NFIB: variants seen among roughly 807,000 people sequenced by gnomAD.
NFIB encodes the protein nuclear factor I B.
Under a neutral mutation model 61.5 loss-of-function variants are expected in NFIB, and 11 were observed. The observed-to-expected ratio is 0.18, with a 90% CI of 0.11 to 0.30. NFIB has a LOEUF of 0.30. Ranked by LOEUF, NFIB falls within the 10% of genes least tolerant of loss-of-function variation. The pLI is 1.00. For missense variants in NFIB, 471 were observed against 608.9 expected, an observed-to-expected ratio of 0.77 and a Z score of 2.38; for synonymous variants, 260 against 216.5, an observed-to-expected ratio of 1.20 and a Z score of -1.76.
intron 3 of NFIB, among the ~76,000 whole-genome samples, chr9:14,178,721 C>G (rs2046430696): frequency 1.3e-5 from 2 of 152,090 alleles, no homozygotes; most frequent in Non-Finnish European, 2.9e-5. Context: ...CATTTTAAGA[C>G]AAAATTGGTC....
chr9:14,219,740 ATAC>A (rs1464830796), intron 2 of NFIB, among the ~76,000 whole-genome samples: 2 of 152,242 alleles, frequency 1.3e-5, no homozygotes, highest in East Asian at 3.8e-4. Context: ...TGAGCAAATA[ATAC>A]TACATTTGAT....
At chr9:14,152,566 C>T (rs959471474) in intron 4 of NFIB, among the ~76,000 whole-genome samples, 2 of 151,980 alleles carry the variant, frequency 1.3e-5, no homozygotes, top group African/African-American at 4.8e-5. Context: ...GAGGTTCCAC[C>T]TTACATAAAC....
At chr9:14,186,451 A>G (rs1260930846) in intron 2 of NFIB, among the ~76,000 whole-genome samples, 2 of 152,226 alleles carry the variant, frequency 1.3e-5, no homozygotes, top group Non-Finnish European at 2.9e-5. Flanking sequence ...ATAAAACAGT[A>G]TATTTTTACA....
chr9:14,526,186 G>A, the NFIB span, among the ~76,000 whole-genome samples: 1 of 151,960 alleles, frequency 6.6e-6, no homozygotes, highest in Non-Finnish European at 1.5e-5. Context: ...CATAGTATGT[G>A]AGAAGTTAGA....
chr9:14,249,346 CT>C (rs2055311550), intron 2 of NFIB, among the ~76,000 whole-genome samples: 1 of 151,272 alleles, frequency 6.6e-6, no homozygotes, highest in African/African-American at 2.5e-5. Flanking sequence ...TAGCTTTTTT[CT>C]TTTCTTAAGT....
At chr9:14,284,844 C>T (rs1424710279) in intron 2 of NFIB, among the ~76,000 whole-genome samples, 1 of 152,112 alleles carries the variant, frequency 6.6e-6, no homozygotes, top group African/African-American at 2.4e-5. Flanking sequence ...GACCATGATA[C>T]CTATTCTTGA....
rs148570337 is a variant in NFIB at position 14,253,129 on chromosome 9, T to C, written c.562+53860A>G. 7.2e-3 allele frequency among the ~76,000 whole-genome samples: 1,102 copies of C among 152,354 alleles called. 14 individuals are homozygous for C. The highest frequency in any genetic ancestry group is 0.025 in the African/African-American group (1,019 of 41,586). On this transcript the variant is annotated intron_variant, in intron 2 of 10. Coordinates refer to ENST00000380953, the MANE Select transcript of NFIB (RefSeq NM_001190737.2). Reference sequence around the variant, plus strand: ...CTTCAAAGCCAATGTTATCATGTTTTTCAATCAAAATCAGGTGCTACAGTT... The same window carrying C: ...CTTCAAAGCCAATGTTATCATGTTTCTCAATCAAAATCAGGTGCTACAGTT...
Position 14,084,579 on chromosome 9 carries a change from C to T in NFIB, c.*3730G>A, listed in dbSNP as rs1203640199. 1 of 228,408 alleles carries T rather than the reference C, an allele frequency of 4.4e-6. No homozygotes were observed. Among genetic ancestry groups the T allele is most frequent in the Admixed American group, 5.7e-5 (1 of 17,594 alleles). 14.1% of individuals were successfully genotyped at this position (228,408 alleles called of 1,614,324 possible). ...CTCCAGGGGTAACACGCTTCAGAGG[C>T]ACTGTGAGTGGTGGGTGGCAGGGCA... On this transcript the variant is annotated 3_prime_UTR_variant, in exon 11 of 11. Transcript: ENST00000380953.
the NFIB span, among the ~76,000 whole-genome samples, chr9:14,453,340 C>T: frequency 6.6e-6 from 1 of 152,216 alleles, no homozygotes; most frequent in Admixed American, 6.5e-5. Flanking sequence ...TGCCAACCCA[C>T]TCCTAGATAG....
At chr9:14,480,923 G>A in the NFIB span, among the ~76,000 whole-genome samples, 1 of 151,888 alleles carries the variant, frequency 6.6e-6, no homozygotes, top group South Asian at 2.1e-4. Context: ...AAAAATTTCA[G>A]ATCCAGGCTT....
chr9:14,530,967 T>A, the NFIB span, among the ~76,000 whole-genome samples: 1 of 152,144 alleles, frequency 6.6e-6, no homozygotes, highest in Non-Finnish European at 1.5e-5. Flanking sequence ...ATGAACCCAA[T>A]GACGAATTTA....
chr9:14,303,368 G>C (rs1214314236), intron 2 of NFIB, among the ~76,000 whole-genome samples: 2 of 152,166 alleles, frequency 1.3e-5, no homozygotes, highest in African/African-American at 4.8e-5. Flanking sequence ...TGCAAGGCTT[G>C]CCTGGTTTTT....
At chr9:14,165,093 A>G (rs1385958334) in intron 3 of NFIB, among the ~76,000 whole-genome samples, 1 of 152,186 alleles carries the variant, frequency 6.6e-6, no homozygotes, top group East Asian at 1.9e-4. Context: ...TAAAAATTTG[A>G]CAATCCTAGA....
At chr9:14,419,074 G>C in the NFIB span, among the ~76,000 whole-genome samples, 1 of 151,572 alleles carries the variant, frequency 6.6e-6, no homozygotes, top group Non-Finnish European at 1.5e-5. Flanking sequence ...ACCAAACAAA[G>C]AGGCTGGCTT....
rs897125805 is a variant in NFIB at position 14,158,569 on chromosome 9, C to T, written c.617-2676G>A. Among the ~76,000 whole-genome samples, 9 of 152,084 alleles carry T rather than the reference C, an allele frequency of 5.9e-5. 1 individual carries two copies. Among genetic ancestry groups the T allele is most frequent in the Admixed American group, 1.3e-4 (2 of 15,264 alleles). Reference sequence around the variant, plus strand: ...ATCTTCCTTAATGACTAACTCGTTGCCTATATATAGAGTAAGTACTAAATA... The same window carrying T: ...ATCTTCCTTAATGACTAACTCGTTGTCTATATATAGAGTAAGTACTAAATA... On this transcript the variant is annotated intron_variant, in intron 3 of 10. Transcript: ENST00000380953.
chr9:14,212,791 T>G (rs2050452678), intron 2 of NFIB, among the ~76,000 whole-genome samples: 2 of 152,190 alleles, frequency 1.3e-5, no homozygotes, highest in Non-Finnish European at 2.9e-5. Context: ...ACAAAACACT[T>G]TCACATAAGC....
Position 14,307,478 on chromosome 9 carries a change from G to C in NFIB, c.73C>G (p.Arg25Gly). 6.2e-7 allele frequency: 1 copy of C among 1,612,102 alleles called. No individual in the cohort carries two copies. The highest frequency in any genetic ancestry group is 8.5e-7 in the Non-Finnish European group (1 of 1,178,836). Residue 25 changes from arginine (R) to glycine (G), a missense_variant, in exon 2 of 11, where the codon CGT becomes GGT. Arg to Gly is a moderately radical substitution (Grantham distance 125). This residue lies in a region of NFIB where 99 missense variants were observed against 213.3 expected (regional missense o/e 0.46). Coordinates refer to ENST00000380953, the MANE Select transcript of NFIB (RefSeq NM_001190737.2). This position sits in a 1 kb window ranked among gnomAD's most constrained non-coding sequence, Gnocchi z 5.3. ...TTGAACCAAGTATAGGCAATTGCAC[G>C]GACATGTGGAAGAAGTGCCTCGATG... ...PFIEALLPHV[R>G]AIAYTWFNLQ...
intron 2 of NFIB, among the ~76,000 whole-genome samples, chr9:14,225,478 A>AAAG (rs199823041): frequency 7.1e-5 from 6 of 84,484 alleles, no homozygotes; most frequent in Admixed American, 1.7e-4. Context: ...AAAAAAAAAA[A>AAAG]AAGAAGAAGA....
At chr9:14,165,243 A>G (rs2044650742) in intron 3 of NFIB, among the ~76,000 whole-genome samples, 1 of 152,170 alleles carries the variant, frequency 6.6e-6, no homozygotes, top group Non-Finnish European at 1.5e-5. Context: ...AGGAAATAAG[A>G]CAAGCTTCCT....
Sources: gnomAD v4.1 joint callset for allele counts (sites outside exome capture counted in the v4.1 genomes callset) on GRCh38, gnomAD v4.1.1 for gene constraint, gnomAD v4.1.1 regional missense constraint, Gnocchi (gnomAD v3.1) non-coding constraint, MANE v1.5 for transcripts, NCBI Gene and HGNC (gene_info 2026-07-23, HGNC 2026-07-21) for gene names.